NIM1K: variants seen among roughly 807,000 people sequenced by gnomAD.
NIM1K encodes the protein NIM1 serine/threonine protein kinase.
Under a neutral mutation model 37.1 loss-of-function variants are expected in NIM1K, and 35 were observed. That is an observed-to-expected ratio of 0.94 (90% CI 0.72 to 1.25). NIM1K has a LOEUF of 1.25. NIM1K is among the 50% of genes most tolerant of loss of function. NIM1K has a pLI of 0.00. For synonymous variants in NIM1K, 234 were observed against 206.6 expected, an observed-to-expected ratio of 1.13 and a Z score of -1.14; for missense variants, 564 against 548.0, an observed-to-expected ratio of 1.03 and a Z score of -0.29.
chr5:43,280,183 G>A lies in NIM1K; in HGVS notation c.765G>A (p.Trp255Ter). The change falls in exon 4 of 4, where the codon TGG (tryptophan) becomes TGA (stop). Residue 255 changes from tryptophan (W) to a stop codon, truncating the protein, a stop_gained. Coordinates refer to ENST00000326035, the MANE Select transcript of NIM1K (RefSeq NM_153361.4). LOFTEE classifies it high-confidence loss of function. Reference sequence around the variant, plus strand: ...ACATCGGCATTTACGTGGATATCTGGGCCTTGGGGGTGCTTTTGTACTTCA... The same window carrying A: ...ACATCGGCATTTACGTGGATATCTGAGCCTTGGGGGTGCTTTTGTACTTCA... ...EHYIGIYVDI[W>*]ALGVLLYFMV... 6.2e-7 allele frequency: 1 copy of A among 1,614,140 alleles called. No individual in the cohort carries two copies. The highest frequency in any genetic ancestry group is 8.5e-7 in the Non-Finnish European group (1 of 1,180,024).
intron 1 of NIM1K, among the ~76,000 whole-genome samples, chr5:43,194,245 G>A (rs943369864): frequency 6.6e-6 from 1 of 152,174 alleles, no homozygotes; most frequent in African/African-American, 2.4e-5. Context: ...TAGGAGATGG[G>A]AGAATGTAGG....
intron 2 of NIM1K, among the ~76,000 whole-genome samples, chr5:43,263,559 A>G (rs1258411199): frequency 4.0e-5 from 6 of 151,864 alleles, no homozygotes; most frequent in Admixed American, 6.6e-5. Flanking sequence ...TCAAAAAAAA[A>G]ACAGCTCTTG....
intron 2 of NIM1K, among the ~76,000 whole-genome samples, chr5:43,275,451 C>T (rs1217346893): frequency 6.6e-6 from 1 of 152,180 alleles, no homozygotes; most frequent in East Asian, 1.9e-4. Context: ...TCCCAGGGTG[C>T]AACTATTTTT....
In NIM1K at chr5:43,248,533, G is replaced by A. The variant is rs544607582; in HGVS notation, c.292+2466G>A. Among the ~76,000 whole-genome samples, 8 of 152,232 alleles carry A rather than the reference G, an allele frequency of 5.3e-5. No homozygotes were observed. The South Asian group carries it at 8.3e-4, about 16-fold the overall frequency. On this transcript the variant is annotated intron_variant, in intron 2 of 3. Coordinates refer to ENST00000326035, the MANE Select transcript of NIM1K (RefSeq NM_153361.4). ...ATGTCAGTCAAAATAGAAAAGAGGA[G>A]GGAGCTGGTGATGCCAAAGAGAAGA...
chr5:43,192,585 G>A (rs763891165), intron 1 of NIM1K, among the ~76,000 whole-genome samples, 174 bp downstream of exon 1: 1 of 152,222 alleles, frequency 6.6e-6, no homozygotes, highest in African/African-American at 2.4e-5. Flanking sequence ...AAGGTTAGGC[G>A]CTTTCTGGGG....
At chr5:43,213,153 CTTTCTTTCTT>C (rs1561074594) in intron 1 of NIM1K, among the ~76,000 whole-genome samples, 1 of 57,692 alleles carries the variant, frequency 1.7e-5, no homozygotes, top group Non-Finnish European at 3.8e-5. Flanking sequence ...TCTCCATTTT[CTTTCTTTCTT>C]TTTTTCTTTC....
At position 43,245,614 on chromosome 5, in the gene NIM1K, C is replaced by T. The variant is rs555763087; in HGVS notation, c.-162C>T. The T allele has an allele frequency of 1.2e-5, 8 of 650,780 alleles. No homozygotes were observed. The highest frequency in any genetic ancestry group is 9.0e-5 in the African/African-American group (5 of 55,348). 40.3% of individuals were successfully genotyped at this position (650,780 alleles called of 1,614,324 possible). A position where few individuals can be genotyped will look rare whatever the true frequency, so the allele number is the denominator to read the frequency against. ...ACTCAGCTACCACGTTCACTGCCTT[C>T]CTCTCACTAAAGCCGAGAGGGAGGC... On this transcript the variant is annotated 5_prime_UTR_variant, in exon 2 of 4. Coordinates refer to ENST00000326035, the MANE Select transcript of NIM1K (RefSeq NM_153361.4).
chr5:43,199,204 A>AAAAAAATATATAT (rs1200134957), intron 1 of NIM1K, among the ~76,000 whole-genome samples: 9 of 94,048 alleles, frequency 9.6e-5, no homozygotes, highest in Non-Finnish European at 1.6e-4. Flanking sequence ...AAAAAAAAAA[A>AAAAAAATATATAT]ATATATATAT....
At chr5:43,229,384 CAA>C (rs58730944) in intron 1 of NIM1K, among the ~76,000 whole-genome samples, 95 of 89,966 alleles carry the variant, frequency 1.1e-3, no homozygotes, top group African/African-American at 1.9e-3. Flanking sequence ...AACTCCATCT[CAA>C]AAAAAAAAAA....
chr5:43,241,406 G>C (rs1464524112), intron 1 of NIM1K, among the ~76,000 whole-genome samples: 1 of 150,644 alleles, frequency 6.6e-6, no homozygotes, highest in Middle Eastern at 3.2e-3. Flanking sequence ...CTCGGCACTC[G>C]GCACTGGGTT....
intron 1 of NIM1K, among the ~76,000 whole-genome samples, chr5:43,220,648 T>C (rs1227406467): frequency 6.6e-6 from 1 of 152,192 alleles, no homozygotes; most frequent in African/African-American, 2.4e-5. Context: ...CTCTAAGGCA[T>C]ACAATATAAA....
At chr5:43,196,041 C>A (rs138801056) in intron 1 of NIM1K, among the ~76,000 whole-genome samples, 1 of 152,082 alleles carries the variant, frequency 6.6e-6, no homozygotes, top group South Asian at 2.1e-4. Flanking sequence ...ACTTGGGAGG[C>A]CTTAGCGGCA....
intron 2 of NIM1K, among the ~76,000 whole-genome samples, chr5:43,273,614 T>C (rs13155622): frequency 0.012 from 1,879 of 152,324 alleles, 40 homozygotes; most frequent in East Asian, 0.087. Flanking sequence ...TAAAGCAGTC[T>C]CCTGGCTTAT....
At chr5:43,231,797 T>C in intron 1 of NIM1K, 1 of 1,220,152 alleles carries the variant, frequency 8.2e-7, no homozygotes, top group South Asian at 1.2e-5. Flanking sequence ...GCAGCACCTT[T>C]GTGACGTTTT....
chr5:43,215,533 A>G (rs1752286520), intron 1 of NIM1K, among the ~76,000 whole-genome samples: 1 of 152,202 alleles, frequency 6.6e-6, no homozygotes, highest in Non-Finnish European at 1.5e-5. Flanking sequence ...TCCTGGGCTC[A>G]GGTGATTCTC....
intron 2 of NIM1K, among the ~76,000 whole-genome samples, chr5:43,265,304 CTTTG>C (rs1561092240): frequency 6.6e-6 from 1 of 152,112 alleles, no homozygotes; most frequent in Non-Finnish European, 1.5e-5. Flanking sequence ...TTCTTGGAGG[CTTTG>C]TTTATTTCTT....
At chr5:43,196,942 C>CTTTT (rs774125135) in intron 1 of NIM1K, among the ~76,000 whole-genome samples, 31 of 82,778 alleles carry the variant, frequency 3.7e-4, no homozygotes, top group East Asian at 1.2e-3. Flanking sequence ...CCATGCCCAG[C>CTTTT]TTTTTTTTTT....
intron 1 of NIM1K, among the ~76,000 whole-genome samples, chr5:43,210,037 T>C (rs1173529148): frequency 1.3e-5 from 2 of 152,122 alleles, no homozygotes; most frequent in Non-Finnish European, 2.9e-5. Flanking sequence ...GAAACGCACA[T>C]TACAGTGGGG....
At chr5:43,264,859 A>C (rs1753098083) in intron 2 of NIM1K, among the ~76,000 whole-genome samples, 1 of 152,256 alleles carries the variant, frequency 6.6e-6, no homozygotes, top group African/African-American at 2.4e-5. Flanking sequence ...AAAGGATTTT[A>C]TTTCTTCTTC....
Sources: gnomAD v4.1 joint callset for allele counts (sites outside exome capture counted in the v4.1 genomes callset) on GRCh38, gnomAD v4.1.1 for gene constraint, MANE v1.5 for transcripts, NCBI Gene and HGNC (gene_info 2026-07-23, HGNC 2026-07-21) for gene names.